Variants in SERPINE3 observed in about 807,000 individuals in gnomAD.
SERPINE3 encodes serpin family E member 3.
Under a neutral mutation model 41.7 loss-of-function variants are expected in SERPINE3, and 43 were observed. The ratio of observed to expected loss-of-function variants is 1.03; its 90% confidence interval spans 0.81 to 1.33. The LOEUF (loss-of-function observed/expected upper bound fraction) is 1.33, where lower values mean the gene tolerates loss of function less well. Among genes scored for constraint, SERPINE3 ranks in the 40% most tolerant of loss-of-function variants. The pLI is 0.00. For synonymous variants in SERPINE3, 200 were observed against 192.2 expected, an observed-to-expected ratio of 1.04 and a Z score of -0.34; for missense variants, 440 against 491.7, an observed-to-expected ratio of 0.89 and a Z score of 0.99.
intron 9 of SERPINE3, chr13:51,363,651 A>G (rs1955628249): frequency 6.6e-6 from 1 of 151,940 alleles, no homozygotes; most frequent in African/African-American, 2.4e-5. Context: ...TAATTCTACA[A>G]CAAGTATTCT....
intron 4 of SERPINE3, among the ~76,000 whole-genome samples, chr13:51,345,569 T>G (rs1955338099): frequency 8.4e-6 from 1 of 118,498 alleles, no homozygotes; most frequent in African/African-American, 3.2e-5. Context: ...CACTCCAGCT[T>G]GGGCAACAGT....
At chr13:51,361,249 C>G in intron 7 of SERPINE3, 29 bp from the exon 8 acceptor site, 1 of 1,447,384 alleles carries the variant, frequency 6.9e-7, no homozygotes. Context: ...TAATGAGCAA[C>G]TCACATTTTT....
At chr13:51,357,796 T>C (rs1029002335) in intron 7 of SERPINE3, among the ~76,000 whole-genome samples, 2 of 152,066 alleles carry the variant, frequency 1.3e-5, no homozygotes. Context: ...TCAGCAGGCT[T>C]TGATATAGAC....
intron 4 of SERPINE3, among the ~76,000 whole-genome samples, chr13:51,346,444 G>A (rs1161489374): frequency 6.6e-6 from 1 of 152,198 alleles, no homozygotes; most frequent in Non-Finnish European, 1.5e-5. Flanking sequence ...ACCAGGAGCA[G>A]CATCCCAACC....
At chr13:51,342,032 G>C (rs1955297009) in intron 3 of SERPINE3, among the ~76,000 whole-genome samples, 1 of 152,034 alleles carries the variant, frequency 6.6e-6, no homozygotes, top group South Asian at 2.1e-4. Flanking sequence ...TCGAATGCCA[G>C]GTCAGCTTCC....
At position 51,348,376 on chromosome 13, in the gene SERPINE3, C is replaced by T. The variant is rs193194277; in HGVS notation, c.864C>T (p.Ser288=). ...TASTIHLWTT[S]LRRARMDVFL... ...GCACCATCCACCTCTGGACCACCAG[C>T]CTGAGGAGAGCCAGGATGGATGTGT... is the stretch of plus-strand genomic sequence containing the variant. Residue 288 remains serine (S), a synonymous_variant, in exon 6 of 10, where the codon AGC becomes AGT. Coordinates refer to ENST00000681248, the MANE Select transcript of SERPINE3 (RefSeq NM_001386375.1). 1.9e-6 allele frequency: 3 copies of T among 1,613,882 alleles called. No homozygotes were observed. Among genetic ancestry groups the T allele is most frequent in the Non-Finnish European group, 2.5e-6 (3 of 1,179,862 alleles).
chr13:51,351,721 G>C (rs1183460717), intron 6 of SERPINE3, among the ~76,000 whole-genome samples: 1 of 151,960 alleles, frequency 6.6e-6, no homozygotes, highest in Non-Finnish European at 1.5e-5. Context: ...TCTAGTTAGG[G>C]TCACAAAAAT....
At chr13:51,342,328 C>T (rs1955301661) in intron 3 of SERPINE3, among the ~76,000 whole-genome samples, 1 of 152,150 alleles carries the variant, frequency 6.6e-6, no homozygotes, top group Non-Finnish European at 1.5e-5. Context: ...CCACCTATAC[C>T]TGGGTGACAC....
At chr13:51,341,802 T>A (rs1955294439) in intron 3 of SERPINE3, among the ~76,000 whole-genome samples, 1 of 152,162 alleles carries the variant, frequency 6.6e-6, no homozygotes. Context: ...ATTTCAGAGA[T>A]GAGCAAATAG....
At chr13:51,363,198 C>A (rs926880622) in intron 9 of SERPINE3, 9 of 151,860 alleles carry the variant, frequency 5.9e-5, no homozygotes, top group Admixed American at 2.0e-4. Flanking sequence ...GATGTAAAAT[C>A]CTTAAACAAG....
intron 6 of SERPINE3, among the ~76,000 whole-genome samples, chr13:51,349,506 C>T (rs1328155420): frequency 2.6e-5 from 4 of 152,184 alleles, no homozygotes; most frequent in African/African-American, 4.8e-5. Flanking sequence ...GAGAGAAACT[C>T]AGCAAGGGAA....
intron 7 of SERPINE3, among the ~76,000 whole-genome samples, chr13:51,355,834 A>G (rs1188829376): frequency 6.6e-6 from 1 of 152,136 alleles, no homozygotes; most frequent in African/African-American, 2.4e-5. Flanking sequence ...TGCCAACTCA[A>G]AGGCTCAGGT....
At chr13:51,360,871 C>T (rs567648764) in intron 7 of SERPINE3, among the ~76,000 whole-genome samples, 7 of 152,008 alleles carry the variant, frequency 4.6e-5, no homozygotes, top group South Asian at 4.1e-4. Context: ...AAATGATTCC[C>T]GGGCTACAGA....
chr13:51,347,029 G>C lies in SERPINE3; in HGVS notation c.495G>C (p.Gly165=). 2 of 1,576,544 alleles carry C rather than the reference G, an allele frequency of 1.3e-6. No individual in the cohort carries two copies. Among genetic ancestry groups the C allele is most frequent in the Non-Finnish European group, 1.7e-6 (2 of 1,160,524 alleles). ...SEGASRETAG[G]GPSEGPGGWP... is the part of the protein sequence containing the mutation. ...ACCTTGCTTTCCTGCTTGCAGGTGG[G>C]GGCCCCAGTGAGGGCCCTGGTGGCT... is the stretch of plus-strand genomic sequence containing the variant. The change falls in exon 5 of 10, where the codon GGG becomes GGC. Residue 165 remains glycine, a synonymous_variant. Coordinates refer to ENST00000681248, the MANE Select transcript of SERPINE3 (RefSeq NM_001386375.1).
rs1333065801 is a variant in SERPINE3, at chr13:51,364,297, CTT to C, written c.*17_*18del. The C allele has an allele frequency of 1.4e-6, 2 of 1,405,174 alleles. No homozygotes were observed. Among genetic ancestry groups the C allele is most frequent in the Non-Finnish European group, 1.9e-6 (2 of 1,038,542 alleles). The allele number at this position is 1,405,174 out of a possible 1,614,324, so 87.0% of individuals were successfully genotyped here. ...CCCTAGACTAAATGCATGTTCTCCA[CTT>C]TCATCAATGCTTTTCTTCATAAAGT... On this transcript the variant is annotated 3_prime_UTR_variant, in exon 10 of 10. Transcript: ENST00000681248.
In SERPINE3 at chr13:51,340,847, T is replaced by C; in HGVS notation, c.-32T>C. 1 of 564,402 alleles carries C rather than the reference T, an allele frequency of 1.8e-6. No individual in the cohort carries two copies. Among genetic ancestry groups the C allele is most frequent in the South Asian group, 2.2e-5 (1 of 45,320 alleles). 35.0% of individuals were successfully genotyped at this position (564,402 alleles called of 1,614,324 possible). A position where few individuals can be genotyped will look rare whatever the true frequency, so the allele number is the denominator to read the frequency against. ...CAGATCTTCAGACCCACAGTTTGGC[T>C]GCCAAAGGACCACAGTGAGTATTTC... On this transcript the variant is annotated 5_prime_UTR_variant, in exon 2 of 10. Transcript: ENST00000681248.
At position 51,355,661 on chromosome 13, in the gene SERPINE3, A is replaced by G. The variant is rs2137807254; in HGVS notation, c.1000+518A>G. ...CTTGCCTTAAAATGTTCTCCTTTCC[A>G]CCAACCACATTGAATTTCTTTGCAC... On this transcript the variant is annotated intron_variant, in intron 7 of 9. Transcript: ENST00000681248. 2.6e-5 allele frequency among the ~76,000 whole-genome samples: 4 copies of G among 152,216 alleles called. No homozygotes were observed. The South Asian group carries it at 8.3e-4, about 32-fold the overall frequency.
chr13:51,342,446 A>T (rs1264297977), intron 3 of SERPINE3, among the ~76,000 whole-genome samples: 1 of 152,180 alleles, frequency 6.6e-6, no homozygotes, highest in Non-Finnish European at 1.5e-5. Context: ...TGTGATCAGG[A>T]GTGTTGAGTG....
intron 3 of SERPINE3, among the ~76,000 whole-genome samples, chr13:51,341,760 C>G (rs1314944286): frequency 6.6e-6 from 1 of 152,184 alleles, no homozygotes; most frequent in East Asian, 1.9e-4. Context: ...CACAACAGCT[C>G]TGTTGAGGAT....
Sources: allele counts gnomAD v4.1 joint callset (sites outside exome capture counted in the v4.1 genomes callset), GRCh38; gene constraint gnomAD v4.1.1; transcripts MANE v1.5; gene names NCBI Gene and HGNC (gene_info 2026-07-23, HGNC 2026-07-21).